Variants in ADAMTS12 observed in about 807,000 individuals in gnomAD.
ADAMTS12 encodes the protein A disintegrin and metalloproteinase with thrombospondin motifs 12.
In ADAMTS12, 118 loss-of-function variants were observed where a neutral mutation model predicts 167.8. The observed-to-expected ratio is 0.70, with a 90% CI of 0.61 to 0.82. The LOEUF (loss-of-function observed/expected upper bound fraction) is 0.82, where lower values mean the gene tolerates loss of function less well. Among genes scored for constraint, ADAMTS12 ranks in the 40% least tolerant of loss-of-function variants. The probability of loss-of-function intolerance (pLI) is 0.00; values close to 1 mark genes in which losing one functional copy is unlikely to be tolerated. For synonymous variants in ADAMTS12, 704 were observed against 716.9 expected, an observed-to-expected ratio of 0.98 and a Z score of 0.29; for missense variants, 1,916 against 1,998.8, an observed-to-expected ratio of 0.96 and a Z score of 0.79.
At chr5:33,725,138 G>C (rs1210942972) in intron 3 of ADAMTS12, among the ~76,000 whole-genome samples, 2 of 152,118 alleles carry the variant, frequency 1.3e-5, no homozygotes, top group African/African-American at 4.8e-5. Flanking sequence ...GTAGTCTTTG[G>C]AATTGACAAT....
In ADAMTS12 at chr5:33,588,618, G is replaced by C. The variant is rs1747478153; in HGVS notation, c.2846C>G (p.Thr949Arg). 3.1e-6 allele frequency: 5 copies of C among 1,614,160 alleles called. No individual in the cohort carries two copies. The highest frequency in any genetic ancestry group is 4.2e-6 in the Non-Finnish European group (5 of 1,180,034). The part of the protein sequence containing the change: ...NRDILCPSDW[T>R]VGNWSECSVS... ...GCTCACCTCACTCCAGTTGCCCACT[G>C]TCCAGTCCGAGGGGCACAGGATGTC... The change falls in exon 18 of 24, where the codon ACA becomes AGA. Residue 949 changes from threonine (T) to arginine (R), a missense_variant. Transcript: ENST00000504830.
intron 19 of ADAMTS12, among the ~76,000 whole-genome samples, chr5:33,561,551 G>T (rs565457262): frequency 6.6e-6 from 1 of 152,364 alleles, no homozygotes; most frequent in East Asian, 1.9e-4. Flanking sequence ...GGGAGGCTGA[G>T]GCAGGAGGAT....
Position 33,641,180 on chromosome 5 carries a change from TATA to T in ADAMTS12, c.1718+627_1718+629del, listed in dbSNP as rs1287835620. On this transcript the variant is annotated intron_variant, in intron 11 of 23. Transcript: ENST00000504830. ...CAAGCAAGTTTAAATTTACCTCATA[TATA>T]ATATTATCATACAAATAGAATATAT... 2.0e-5 allele frequency among the ~76,000 whole-genome samples: 3 copies of T among 152,118 alleles called. No homozygotes were observed. The East Asian group carries it at 5.8e-4, about 29-fold the overall frequency.
At chr5:33,530,063 G>A (rs1744019814) in intron 23 of ADAMTS12, among the ~76,000 whole-genome samples, 2 of 151,138 alleles carry the variant, frequency 1.3e-5, no homozygotes, top group Non-Finnish European at 2.9e-5. Context: ...GGGCCTACAG[G>A]CATGTGCCAC....
intron 5 of ADAMTS12, among the ~76,000 whole-genome samples, chr5:33,682,177 T>G (rs1023786110): frequency 6.6e-6 from 1 of 152,304 alleles, no homozygotes; most frequent in African/African-American, 2.4e-5. Context: ...CTCCTTGCTA[T>G]TGGATGTGGA....
chr5:33,888,228 T>TA (rs1219045294), intron 1 of ADAMTS12: 1 of 152,196 alleles, frequency 6.6e-6, no homozygotes, highest in Admixed American at 6.5e-5. Context: ...GATCCCTTTC[T>TA]AAAAAACAAG....
chr5:33,844,124 TGTCATCTC>T (rs1181599984), intron 2 of ADAMTS12, among the ~76,000 whole-genome samples: 1 of 152,218 alleles, frequency 6.6e-6, no homozygotes, highest in Non-Finnish European at 1.5e-5. Flanking sequence ...CTCTTAATCC[TGTCATCTC>T]GTAAGCTGAG....
intron 3 of ADAMTS12, among the ~76,000 whole-genome samples, chr5:33,745,560 A>C (rs1304329411): frequency 1.3e-5 from 2 of 152,232 alleles, no homozygotes; most frequent in East Asian, 3.9e-4. Context: ...GGATGGGCTC[A>C]GCACAGAGCA....
At chr5:33,822,012 C>T (rs530766110) in intron 2 of ADAMTS12, among the ~76,000 whole-genome samples, 1 of 152,238 alleles carries the variant, frequency 6.6e-6, no homozygotes, top group South Asian at 2.1e-4. Flanking sequence ...CTTCAAGTCA[C>T]ATTCTGTTTT....
chr5:33,689,998 T>C (rs1447877701), intron 3 of ADAMTS12, among the ~76,000 whole-genome samples: 1 of 152,214 alleles, frequency 6.6e-6, no homozygotes, highest in Non-Finnish European at 1.5e-5. Flanking sequence ...CCAGTTCTAG[T>C]GTTCTCTGAG....
At position 33,630,605 on chromosome 5, in the gene ADAMTS12, A is replaced by C. The variant is rs535396204; in HGVS notation, c.2022+175T>G. 1.0e-3 allele frequency among the ~76,000 whole-genome samples: 159 copies of C among 152,330 alleles called. 1 individual carries two copies. The South Asian group carries it at 0.032, about 30-fold the overall frequency. On this transcript the variant is annotated intron_variant, in intron 13 of 23. Transcript: ENST00000504830. ...GCAGAAGGAAAAAACTATTCAATCC[A>C]AAACTGTGACTTTGATGAACACTGG...
chr5:33,868,108 C>G (rs1332962589), intron 2 of ADAMTS12, among the ~76,000 whole-genome samples: 1 of 152,154 alleles, frequency 6.6e-6, no homozygotes, highest in Non-Finnish European at 1.5e-5. Flanking sequence ...GCTTCCTGTA[C>G]AGCCTATGGA....
At chr5:33,724,285 T>C (rs751649451) in intron 3 of ADAMTS12, among the ~76,000 whole-genome samples, 14 of 152,202 alleles carry the variant, frequency 9.2e-5, no homozygotes, top group Non-Finnish European at 1.3e-4. Context: ...CTCTGGTTGA[T>C]TGGGAGGTCA....
chr5:33,703,360 T>C (rs1743069092), intron 3 of ADAMTS12, among the ~76,000 whole-genome samples: 1 of 152,168 alleles, frequency 6.6e-6, no homozygotes, highest in South Asian at 2.1e-4. Context: ...TGTCATAAAC[T>C]CATCCATAAC....
intron 2 of ADAMTS12, among the ~76,000 whole-genome samples, chr5:33,807,407 G>A (rs1296042515): frequency 2.0e-5 from 3 of 152,160 alleles, no homozygotes; most frequent in Non-Finnish European, 1.5e-5. Flanking sequence ...TACTAGCTGC[G>A]AGATCTTAGT....
chr5:33,535,755 T>C (rs1275238817), intron 22 of ADAMTS12, among the ~76,000 whole-genome samples: 2 of 151,896 alleles, frequency 1.3e-5, no homozygotes, highest in African/African-American at 2.4e-5. Context: ...GGGCTGGGGA[T>C]TGGATGTGAG....
intron 2 of ADAMTS12, among the ~76,000 whole-genome samples, chr5:33,815,091 T>A (rs1284754096): frequency 6.6e-6 from 1 of 152,196 alleles, no homozygotes; most frequent in Non-Finnish European, 1.5e-5. Flanking sequence ...AACAGCAAGA[T>A]GGTGCAATGA....
chr5:33,618,223 T>C (rs1402829827), intron 14 of ADAMTS12, among the ~76,000 whole-genome samples: 2 of 152,188 alleles, frequency 1.3e-5, no homozygotes, highest in Non-Finnish European at 2.9e-5. Flanking sequence ...AAGTGGATCC[T>C]CATAAAGACC....
chr5:33,762,212 TA>T (rs1017634870), intron 2 of ADAMTS12, among the ~76,000 whole-genome samples: 10 of 143,120 alleles, frequency 7.0e-5, no homozygotes, highest in African/African-American at 1.8e-4. Flanking sequence ...ATAATAAAAA[TA>T]AAAAAATAAA....
Sources: gnomAD v4.1 joint callset for allele counts (sites outside exome capture counted in the v4.1 genomes callset) on GRCh38, gnomAD v4.1.1 for gene constraint, MANE v1.5 for transcripts, NCBI Gene and HGNC (gene_info 2026-07-23, HGNC 2026-07-21) for gene names.